The following NKAIN2 variants were observed in gnomAD, a reference collection of about 807,000 sequenced individuals.
NKAIN2 encodes the protein sodium/potassium transporting ATPase interacting 2, also known as sodium/potassium-transporting ATPase subunit beta-1-interacting protein 2.
A neutral mutation model predicts 32.6 loss-of-function variants in NKAIN2; 14 were observed. The ratio of observed to expected loss-of-function variants is 0.43; its 90% CI spans 0.28 to 0.67. The LOEUF (loss-of-function observed/expected upper bound fraction) is 0.67. NKAIN2 is among the 30% of genes least tolerant of loss of function. The probability of loss-of-function intolerance (pLI) is 0.17; values close to 1 mark genes in which losing one functional copy is unlikely to be tolerated. For missense variants in NKAIN2, 198 were observed against 258.3 expected (o/e 0.77, Z 1.60); for synonymous variants, 80 against 87.2 (o/e 0.92, Z 0.46).
At position 124,823,508 on chromosome 6, in the gene NKAIN2, A is replaced by G; in HGVS notation, c.*279A>G. ...TCCTGAAAGCAGGCCCCTTTCTCCC[A>G]GGCCTTCGGAAAGTTCAGAAGGAGA... On this transcript the variant is annotated 3_prime_UTR_variant, in exon 7 of 7. Transcript: ENST00000368417. 2.4e-6 allele frequency: 1 copy of G among 408,922 alleles called. No homozygotes were observed. Among genetic ancestry groups the G allele is most frequent in the Non-Finnish European group, 4.4e-6 (1 of 225,344 alleles). 25.3% of individuals were successfully genotyped at this position (408,922 alleles called of 1,614,324 possible).
At chr6:124,312,462 A>T (rs1448072202) in intron 2 of NKAIN2, among the ~76,000 whole-genome samples, 1 of 152,208 alleles carries the variant, frequency 6.6e-6, no homozygotes. Context: ...TCTTTGGGTT[A>T]GATTAACCTG....
rs529427768 is a variant in NKAIN2 at position 124,508,131 on chromosome 6, C to T, written c.274-150055C>T. Among the ~76,000 whole-genome samples, 30 of 151,770 alleles carry T rather than the reference C, an allele frequency of 2.0e-4. No homozygotes were observed. The South Asian group carries it at 5.8e-3, about 29-fold the overall frequency. Reference sequence around the variant, plus strand: ...AAAAAGCTGGGCACGATGGCACACACCTGTAGTCCTAGCTACTAGAGAGGC... The same window carrying T: ...AAAAAGCTGGGCACGATGGCACACATCTGTAGTCCTAGCTACTAGAGAGGC... On this transcript the variant is annotated intron_variant, in intron 3 of 6. Coordinates refer to ENST00000368417, the MANE Select transcript of NKAIN2 (RefSeq NM_001040214.3).
intron 3 of NKAIN2, among the ~76,000 whole-genome samples, chr6:124,387,353 C>T (rs544596470): frequency 2.6e-5 from 4 of 151,560 alleles, no homozygotes; most frequent in Non-Finnish European, 5.9e-5. Context: ...AACCTCCTTG[C>T]CCCATTGCAT....
Position 123,964,447 on chromosome 6 carries a change from TG to T in NKAIN2, c.54+160195del, listed in dbSNP as rs1455876763. 6.6e-6 allele frequency among the ~76,000 whole-genome samples: 1 copy of T among 152,188 alleles called. No individual in the cohort carries two copies. The highest frequency in any genetic ancestry group is 6.5e-5 in the Admixed American group (1 of 15,270). On this transcript the variant is annotated intron_variant, in intron 1 of 6. Transcript: ENST00000368417. The surrounding 1 kb of genome is among the most constrained non-coding windows in gnomAD (Gnocchi z 4.0). ...GGCTTCAGTGTAAATCCTAGTCATC[TG>T]GATCAGGTATATAAAAACTTCCCTT... is the stretch of plus-strand genomic sequence containing the variant.
At chr6:124,207,309 GATA>G (rs1287800572) in intron 1 of NKAIN2, among the ~76,000 whole-genome samples, 2 of 151,266 alleles carry the variant, frequency 1.3e-5, no homozygotes, top group Non-Finnish European at 3.0e-5. Flanking sequence ...AAATGATGAT[GATA>G]ATAATAATCG....
chr6:124,160,022 T>G (rs1433273259), intron 1 of NKAIN2, among the ~76,000 whole-genome samples: 1 of 152,164 alleles, frequency 6.6e-6, no homozygotes, highest in Non-Finnish European at 1.5e-5. Flanking sequence ...CAAAAAAGCT[T>G]ATTCTGAGTA....
At chr6:124,801,132 C>G (rs1473079058) in intron 5 of NKAIN2, among the ~76,000 whole-genome samples, 1 of 152,132 alleles carries the variant, frequency 6.6e-6, no homozygotes, top group African/African-American at 2.4e-5. Context: ...ATTCTGTTTT[C>G]CCATTCATGC....
At chr6:124,141,726 T>C (rs976623692) in intron 1 of NKAIN2, among the ~76,000 whole-genome samples, 3 of 152,134 alleles carry the variant, frequency 2.0e-5, no homozygotes, top group African/African-American at 7.2e-5. Flanking sequence ...TGACTCATCC[T>C]ATCAGATCAA....
At chr6:124,282,952 C>G in intron 1 of NKAIN2, 53 bp from the exon 2 acceptor site, 1 of 1,543,756 alleles carries the variant, frequency 6.5e-7, no homozygotes. Context: ...TTTCCTCTCA[C>G]CACTGTGCTG....
intron 1 of NKAIN2, among the ~76,000 whole-genome samples, chr6:124,184,197 G>A (rs986426007): frequency 6.6e-6 from 1 of 151,898 alleles, no homozygotes; most frequent in African/African-American, 2.4e-5. Flanking sequence ...TTCTGGTCTC[G>A]AAATGTTTGG....
At chr6:123,988,620 A>G (rs1242027403) in intron 1 of NKAIN2, among the ~76,000 whole-genome samples, 3 of 152,222 alleles carry the variant, frequency 2.0e-5, no homozygotes, top group Non-Finnish European at 4.4e-5. Context: ...TCTTAAAGAC[A>G]TGATAGTGTT....
At chr6:123,908,597 A>G (rs953507730) in intron 1 of NKAIN2, among the ~76,000 whole-genome samples, 2 of 152,200 alleles carry the variant, frequency 1.3e-5, no homozygotes, top group Non-Finnish European at 2.9e-5. Context: ...TCTAAAATTC[A>G]GAGTGGTTTA....
intron 1 of NKAIN2, among the ~76,000 whole-genome samples, chr6:124,040,326 GT>G (rs1174548367): frequency 6.6e-6 from 1 of 151,408 alleles, no homozygotes; most frequent in Non-Finnish European, 1.5e-5. Flanking sequence ...TTTTCCTGAG[GT>G]TTCATTTTGC....
At chr6:124,254,072 C>T (rs1793812561) in intron 1 of NKAIN2, among the ~76,000 whole-genome samples, 1 of 152,070 alleles carries the variant, frequency 6.6e-6, no homozygotes, top group Non-Finnish European at 1.5e-5. Flanking sequence ...GCCTCGGCCT[C>T]CCAAAGTACT....
At chr6:124,020,803 C>G (rs1476736637) in intron 1 of NKAIN2, among the ~76,000 whole-genome samples, 1 of 151,904 alleles carries the variant, frequency 6.6e-6, no homozygotes, top group Non-Finnish European at 1.5e-5. Flanking sequence ...CATTAGAACA[C>G]AATACAAAAT....
At chr6:123,931,673 A>G (rs1365783760) in intron 1 of NKAIN2, among the ~76,000 whole-genome samples, 1 of 152,032 alleles carries the variant, frequency 6.6e-6, no homozygotes, top group Non-Finnish European at 1.5e-5. Flanking sequence ...TGTCCTTTGA[A>G]TAGTCAAAGG....
intron 1 of NKAIN2, among the ~76,000 whole-genome samples, chr6:123,959,088 G>A (rs1233671661): frequency 1.3e-5 from 2 of 152,134 alleles, no homozygotes; most frequent in Admixed American, 6.5e-5. Context: ...AGGAAAGAGA[G>A]TTTGTGAGAG....
intron 1 of NKAIN2, among the ~76,000 whole-genome samples, chr6:124,007,847 A>G (rs1332476104): frequency 2.0e-5 from 3 of 152,188 alleles, no homozygotes; most frequent in Non-Finnish European, 2.9e-5. Flanking sequence ...ATTCCTTTTC[A>G]GGAATGTGTC....
At chr6:123,891,423 T>C (rs1774013868) in intron 1 of NKAIN2, among the ~76,000 whole-genome samples, 2 of 152,144 alleles carry the variant, frequency 1.3e-5, no homozygotes, top group African/African-American at 4.8e-5. Flanking sequence ...GGAAATAAGA[T>C]ACAAGAATCA....
Sources: allele counts gnomAD v4.1 joint callset (sites outside exome capture counted in the v4.1 genomes callset), GRCh38; gene constraint gnomAD v4.1.1; non-coding constraint Gnocchi (gnomAD v3.1); transcripts MANE v1.5; gene names NCBI Gene and HGNC (gene_info 2026-07-23, HGNC 2026-07-21).